The following C6orf62 variants were observed in gnomAD, a reference collection of about 807,000 sequenced individuals.
The protein encoded by C6orf62 is chromosome 6 open reading frame 62, also known as uncharacterized protein C6orf62.
In C6orf62, 16 loss-of-function variants were observed where a neutral mutation model predicts 26.8. The observed-to-expected ratio is 0.60, with a 90% CI of 0.40 to 0.91. The LOEUF is 0.91. Ranked by LOEUF, C6orf62 falls within the 40% of genes least tolerant of loss-of-function variation. The pLI is 0.00. For missense variants in C6orf62, 192 were observed against 271.4 expected (o/e 0.71, Z 2.06); for synonymous variants, 112 against 91.5 (o/e 1.22, Z -1.28).
At chr6:24,713,985 C>G (rs376232935) in intron 3 of C6orf62, among the ~76,000 whole-genome samples, 1 of 152,184 alleles carries the variant, frequency 6.6e-6, no homozygotes, top group South Asian at 2.1e-4. Flanking sequence ...GTTAAATATA[C>G]GGTTTTAGAA....
chr6:24,717,229 C>A (rs1484530812), intron 1 of C6orf62, among the ~76,000 whole-genome samples: 1 of 152,128 alleles, frequency 6.6e-6, no homozygotes, highest in Non-Finnish European at 1.5e-5. Flanking sequence ...TAAGATGGTG[C>A]AATTTGGGGC....
intron 1 of C6orf62, among the ~76,000 whole-genome samples, chr6:24,717,457 T>C (rs1158313142): frequency 6.6e-6 from 1 of 152,190 alleles, no homozygotes; most frequent in Non-Finnish European, 1.5e-5. Context: ...ATGCTATACT[T>C]CAGCAGCTAA....
intron 1 of C6orf62, 143 bp from the exon 2 acceptor site, chr6:24,716,467 A>AT: frequency 1.6e-6 from 1 of 614,390 alleles, no homozygotes; most frequent in Non-Finnish European, 2.9e-6. Flanking sequence ...ACATTTTCAG[A>AT]TAGGTAATTC....
Position 24,707,317 on chromosome 6 carries a change from T to C in C6orf62, c.565-1055A>G, listed in dbSNP as rs542131535. On this transcript the variant is annotated intron_variant, in intron 4 of 4. Coordinates refer to ENST00000378119, the MANE Select transcript of C6orf62 (RefSeq NM_030939.5). ...GCATCTAAAAACTAAATTGCAATAC[T>C]TGGATTGCTGCTTAACTGGGAAGTG... 2.3e-4 allele frequency among the ~76,000 whole-genome samples: 35 copies of C among 152,132 alleles called. No individual in the cohort carries two copies. In the South Asian group the frequency reaches 3.9e-3, roughly 17 times the overall value.
upstream of C6orf62, chr6:24,719,343 TTGG>T: frequency 2.0e-6 from 2 of 1,000,616 alleles, no homozygotes; most frequent in South Asian, 4.1e-5. Context: ...TTGATTACAC[TTGG>T]TGGTGAGCAT....
chr6:24,719,093 T>A lies in C6orf62; in HGVS notation c.-425A>T, dbSNP rs184509774. On this transcript the variant is annotated 5_prime_UTR_variant, in exon 1 of 5. Transcript: ENST00000378119. The stretch of plus-strand genomic sequence containing the variant: ...ACCAATCCCTAAAATCCATCCGGAT[T>A]TTCCCCCCTTTTTAGAAAAGGGATT... 15 of 989,528 alleles carry A rather than the reference T, an allele frequency of 1.5e-5. No homozygotes were observed. The highest frequency in any genetic ancestry group is 6.1e-5 in the Admixed American group (1 of 16,292). The allele number at this position is 989,528 out of a possible 1,614,324, so 61.3% of individuals were successfully genotyped here.
intron 2 of C6orf62, among the ~76,000 whole-genome samples, chr6:24,715,201 A>G (rs1779197620): frequency 6.6e-6 from 1 of 152,212 alleles, no homozygotes; most frequent in Admixed American, 6.5e-5. Flanking sequence ...TCATTATTGT[A>G]GCCAGCATAT....
At chr6:24,719,652 C>T, upstream of C6orf62, 1 of 1,445,488 alleles carries the variant, frequency 6.9e-7, no homozygotes, top group African/African-American at 1.4e-5. Context: ...CCCCAGCCTG[C>T]AACTAGTCCT....
intron 2 of C6orf62, among the ~76,000 whole-genome samples, chr6:24,715,019 ATC>A (rs1448408568): frequency 5.3e-5 from 8 of 152,252 alleles, no homozygotes; most frequent in African/African-American, 1.9e-4. Context: ...CTCCAACAAA[ATC>A]TCTGATATCT....
chr6:24,713,028 A>G (rs1035350502), intron 3 of C6orf62, among the ~76,000 whole-genome samples: 2 of 152,204 alleles, frequency 1.3e-5, no homozygotes, highest in Non-Finnish European at 2.9e-5. Context: ...CTTCAGTCAG[A>G]TATCATCCAT....
At chr6:24,720,013 G>GGGGGGGGGGC, upstream of C6orf62, 31 of 1,479,180 alleles carry the variant, frequency 2.1e-5, no homozygotes, top group Non-Finnish European at 2.6e-5. Flanking sequence ...TCTAAAGTAA[G>GGGGGGGGGGC]CCCACCCACC....
chr6:24,716,425 T>C, intron 1 of C6orf62, 101 bp from the exon 2 acceptor site: 1 of 812,812 alleles, frequency 1.2e-6, no homozygotes, highest in East Asian at 2.6e-5. Flanking sequence ...ACAAAATTCT[T>C]AACTGTCTGC....
chr6:24,707,603 G>A (rs1779034685), intron 4 of C6orf62, among the ~76,000 whole-genome samples: 1 of 151,758 alleles, frequency 6.6e-6, no homozygotes, highest in Non-Finnish European at 1.5e-5. Context: ...CTCCCCCATC[G>A]GCTTCCCAAA....
intron 3 of C6orf62, chr6:24,710,724 C>T (rs1779105370): frequency 2.8e-6 from 2 of 718,130 alleles, no homozygotes; most frequent in Non-Finnish European, 1.7e-6. Context: ...GCTGACTGGG[C>T]ATGGTGGCTC....
At chr6:24,712,823 AG>A (rs1252130818) in intron 3 of C6orf62, among the ~76,000 whole-genome samples, 1 of 152,204 alleles carries the variant, frequency 6.6e-6, no homozygotes, top group Non-Finnish European at 1.5e-5. Flanking sequence ...CCAGTGGGAA[AG>A]GCAGGGTATT....
At chr6:24,719,167 A>C (rs1581401679), upstream of C6orf62, 2 of 986,738 alleles carry the variant, frequency 2.0e-6, no homozygotes, top group Non-Finnish European at 2.4e-6. Flanking sequence ...AAAAAAAAAA[A>C]AAAAAAAACT....
At chr6:24,719,873 G>A (rs1450609969), upstream of C6orf62, 4 of 1,549,868 alleles carry the variant, frequency 2.6e-6, no homozygotes, top group Admixed American at 3.9e-5. Flanking sequence ...CACCACGGGA[G>A]ACACAGGATC....
intron 3 of C6orf62, among the ~76,000 whole-genome samples, chr6:24,711,611 A>C (rs1779122579): frequency 6.6e-6 from 1 of 152,156 alleles, no homozygotes; most frequent in South Asian, 2.1e-4. Flanking sequence ...CCTGGGCAAC[A>C]AAGTGAGACC....
intron 3 of C6orf62, among the ~76,000 whole-genome samples, chr6:24,710,785 G>A (rs539758194): frequency 2.3e-4 from 35 of 152,076 alleles, no homozygotes; most frequent in Middle Eastern, 3.4e-3. Flanking sequence ...GATCACTAGA[G>A]GCCAGGAGTT....
Sources: allele counts gnomAD v4.1 joint callset (sites outside exome capture counted in the v4.1 genomes callset), GRCh38; gene constraint gnomAD v4.1.1; transcripts MANE v1.5; gene names NCBI Gene and HGNC (gene_info 2026-07-23, HGNC 2026-07-21).